The following TMEM132B variants were observed in gnomAD, a reference collection of about 807,000 sequenced individuals.
TMEM132B encodes the protein transmembrane protein 132B.
TMEM132B carries 18 observed loss-of-function variants against 90.8 expected under a neutral mutation model. The ratio of observed to expected loss-of-function variants is 0.20; its 90% CI spans 0.14 to 0.29. TMEM132B has a LOEUF of 0.29. Ranked by LOEUF, TMEM132B falls within the 10% of genes least tolerant of loss-of-function variation. The pLI, the probability that TMEM132B is intolerant of heterozygous loss-of-function variation, is 1.00. For missense variants in TMEM132B, 1,096 were observed against 1,326.8 expected, an observed-to-expected ratio of 0.83 and a Z score of 2.70; for synonymous variants, 504 against 523.3, an observed-to-expected ratio of 0.96 and a Z score of 0.50.
intron 1 of TMEM132B, among the ~76,000 whole-genome samples, chr12:125,215,784 C>T (rs1873424695): frequency 6.6e-6 from 1 of 152,344 alleles, no homozygotes; most frequent in East Asian, 1.9e-4. Context: ...TCAGGTGATC[C>T]ACCCGCCTTG....
chr12:125,464,458 C>T (rs138532849), intron 3 of TMEM132B, among the ~76,000 whole-genome samples: 3 of 152,290 alleles, frequency 2.0e-5, no homozygotes, highest in Admixed American at 6.5e-5. Flanking sequence ...CTGATACAGA[C>T]TGTTGCTTGT....
intron 5 of TMEM132B, among the ~76,000 whole-genome samples, chr12:125,594,577 T>C (rs1885394663): frequency 6.6e-6 from 1 of 152,208 alleles, no homozygotes; most frequent in Non-Finnish European, 1.5e-5. Flanking sequence ...AGCCTTCCTA[T>C]TGGATTTATA....
chr12:125,315,757 G>A lies in TMEM132B; in HGVS notation c.68-33695G>A, dbSNP rs185639885. On this transcript the variant is annotated intron_variant, in intron 1 of 8. Coordinates refer to ENST00000682704, the MANE Select transcript of TMEM132B (RefSeq NM_001366854.1). ...GGTGGTTAAGGGGTGATGGGACTTG[G>A]AGTGAACAGGAGACCCCATTCCCCA... Among the ~76,000 whole-genome samples the A allele has an allele frequency of 7.2e-5, 11 of 152,274 alleles. No individual in the cohort carries two copies. In the East Asian group the frequency reaches 2.1e-3, roughly 29 times the overall value.
chr12:125,545,696 A>G (rs972409501), intron 4 of TMEM132B, among the ~76,000 whole-genome samples: 32 of 152,202 alleles, frequency 2.1e-4, no homozygotes, highest in African/African-American at 7.0e-4. Flanking sequence ...TCCAGCTGCC[A>G]TCTTGCCACC....
Position 125,407,508 on chromosome 12 carries a change from C to T in TMEM132B, c.960-8023C>T, listed in dbSNP as rs1879533708. Among the ~76,000 whole-genome samples, 1 of 152,300 alleles carries T rather than the reference C, an allele frequency of 6.6e-6. No homozygotes were observed. The highest frequency in any genetic ancestry group is 1.9e-4 in the East Asian group (1 of 5,184). On this transcript the variant is annotated intron_variant, in intron 2 of 8. Transcript: ENST00000682704. The surrounding 1 kb of genome is among the most constrained non-coding windows in gnomAD (Gnocchi z 6.7). ...GGAGTGAGATGGAGAAGGTGTGACC[C>T]CGTGCCCTGTCTGTCTGTCCCTGCT...
rs1476952877 is a variant in TMEM132B, at chr12:125,441,859, A to T, written c.1106+26182A>T. ...TGGAGATTAAATGCAATAGAAAATG[A>T]AAAGCAACCCAGCCTTTGTAAATGT... On this transcript the variant is annotated intron_variant, in intron 3 of 8. Transcript: ENST00000682704. 3.3e-5 allele frequency among the ~76,000 whole-genome samples: 5 copies of T among 152,250 alleles called. No homozygotes were observed. The East Asian group carries it at 9.6e-4, about 29-fold the overall frequency.
At chr12:125,437,918 C>T (rs188627189) in intron 3 of TMEM132B, among the ~76,000 whole-genome samples, 9 of 152,164 alleles carry the variant, frequency 5.9e-5, no homozygotes, top group Admixed American at 2.0e-4. Context: ...CACTTAATGC[C>T]GTTGACTTGC....
At chr12:125,325,315 T>G (rs998775446) in intron 1 of TMEM132B, among the ~76,000 whole-genome samples, 1 of 152,036 alleles carries the variant, frequency 6.6e-6, no homozygotes, top group African/African-American at 2.4e-5. Context: ...TGCATGGCCA[T>G]GGGAGCAGCA....
chr12:125,473,342 G>A (rs1331246007), intron 3 of TMEM132B, among the ~76,000 whole-genome samples: 2 of 152,018 alleles, frequency 1.3e-5, no homozygotes, highest in East Asian at 3.9e-4. Context: ...TAGTCCCACA[G>A]CATTTGTTCC....
intron 1 of TMEM132B, among the ~76,000 whole-genome samples, chr12:125,280,870 G>C (rs1312410755): frequency 6.6e-6 from 1 of 152,214 alleles, no homozygotes; most frequent in Non-Finnish European, 1.5e-5. Flanking sequence ...GAAGATTTGG[G>C]AGTTGAGAGG....
intron 3 of TMEM132B, among the ~76,000 whole-genome samples, chr12:125,444,150 C>T (rs565179480): frequency 6.6e-5 from 10 of 152,252 alleles, no homozygotes; most frequent in South Asian, 4.1e-4. Flanking sequence ...AATATTGGCA[C>T]GACATCTCAC....
intron 2 of TMEM132B, among the ~76,000 whole-genome samples, chr12:125,353,838 C>G (rs941645134): frequency 5.3e-5 from 8 of 152,182 alleles, no homozygotes; most frequent in Admixed American, 3.9e-4. Flanking sequence ...GAAGAGGACT[C>G]AACATCCAGA....
chr12:125,493,501 C>T (rs912919895), intron 3 of TMEM132B, among the ~76,000 whole-genome samples: 1 of 152,138 alleles, frequency 6.6e-6, no homozygotes, highest in African/African-American at 2.4e-5. Flanking sequence ...GTCGACTACC[C>T]AGCATGTTAG....
chr12:125,514,421 C>T (rs563201979), intron 3 of TMEM132B, among the ~76,000 whole-genome samples: 5 of 152,140 alleles, frequency 3.3e-5, no homozygotes, highest in Non-Finnish European at 7.4e-5. Flanking sequence ...CTGAGAGGCA[C>T]CAGCAAATCC....
chr12:125,518,197 A>G (rs1343781207), intron 3 of TMEM132B, among the ~76,000 whole-genome samples: 2 of 152,288 alleles, frequency 1.3e-5, no homozygotes, highest in East Asian at 1.9e-4. Flanking sequence ...ACCTCTTGGC[A>G]TATACAAGGA....
intron 2 of TMEM132B, among the ~76,000 whole-genome samples, chr12:125,377,725 G>A (rs1255404720): frequency 2.0e-5 from 3 of 152,096 alleles, no homozygotes; most frequent in African/African-American, 7.2e-5. Flanking sequence ...CTTGGAGTTG[G>A]ACAGATCCCT....
At chr12:125,243,526 G>A (rs1040362874) in intron 1 of TMEM132B, among the ~76,000 whole-genome samples, 2 of 152,052 alleles carry the variant, frequency 1.3e-5, no homozygotes, top group Non-Finnish European at 2.9e-5. Flanking sequence ...GGCTGGTCTC[G>A]AACTCCTGAC....
chr12:125,281,630 A>G (rs981852222), intron 1 of TMEM132B, among the ~76,000 whole-genome samples: 3 of 152,092 alleles, frequency 2.0e-5, no homozygotes, highest in Admixed American at 1.3e-4. Flanking sequence ...GCTCTCTACA[A>G]TGTCCCTCTA....
At chr12:125,466,133 T>C (rs1308421214) in intron 3 of TMEM132B, among the ~76,000 whole-genome samples, 1 of 152,202 alleles carries the variant, frequency 6.6e-6, no homozygotes, top group Non-Finnish European at 1.5e-5. Flanking sequence ...ACCACCAGTA[T>C]ATAGAGGATA....
Sources: allele counts gnomAD v4.1 joint callset (sites outside exome capture counted in the v4.1 genomes callset), GRCh38; gene constraint gnomAD v4.1.1; non-coding constraint Gnocchi (gnomAD v3.1); transcripts MANE v1.5; gene names NCBI Gene and HGNC (gene_info 2026-07-23, HGNC 2026-07-21).